TRPV1: variants seen among roughly 807,000 people sequenced by gnomAD.
TRPV1 encodes transient receptor potential cation channel subfamily V member 1.
TRPV1 carries 82 observed loss-of-function variants against 82.3 expected under a neutral mutation model. The ratio of observed to expected loss-of-function variants is 1.00; its 90% CI spans 0.83 to 1.20. The LOEUF (loss-of-function observed/expected upper bound fraction) is 1.20, where lower values mean the gene tolerates loss of function less well. Among genes scored for constraint, TRPV1 ranks in the 50% most tolerant of loss-of-function variants. The pLI is 0.00. For synonymous variants in TRPV1, 515 were observed against 467.7 expected (o/e 1.10, Z -1.30); for missense variants, 1,067 against 1,096.8 (o/e 0.97, Z 0.38).
chr17:3,573,532 G>GGCCCCCCCCCCCCCCC lies in TRPV1; in HGVS notation c.2103+100_2103+101insGGGGGGGGGGGGGGGC. The GGCCCCCCCCCCCCCCC allele has an allele frequency of 3.1e-5, 8 of 257,076 alleles. 1 individual carries two copies. The highest frequency in any genetic ancestry group is 4.6e-5 in the Non-Finnish European group (6 of 130,288). 15.9% of individuals were successfully genotyped at this position (257,076 alleles called of 1,614,324 possible). On this transcript the variant is annotated intron_variant, in intron 14 of 16. Coordinates refer to ENST00000572705, the MANE Select transcript of TRPV1 (RefSeq NM_080704.4). ...GCCCATACCCTCCTGGCCACACACC[G>GGCCCCCCCCCCCCCCC]CCCCCACCACCCACCCACCTGCAGC... is the stretch of plus-strand genomic sequence containing the variant.
intron 10 of TRPV1, among the ~76,000 whole-genome samples, chr17:3,583,118 T>C (rs1219072869): frequency 1.3e-5 from 2 of 152,142 alleles, no homozygotes; most frequent in Non-Finnish European, 2.9e-5. Flanking sequence ...AGTGTCTACT[T>C]TCAAGCTTGC....
At chr17:3,590,571 G>T (rs1480689738) in intron 5 of TRPV1, among the ~76,000 whole-genome samples, 179 bp from the exon 6 acceptor site, 1 of 152,174 alleles carries the variant, frequency 6.6e-6, no homozygotes, top group East Asian at 1.9e-4. Flanking sequence ...GTCCCAGCAA[G>T]GTCCTGAGAC....
intron 2 of TRPV1, among the ~76,000 whole-genome samples, chr17:3,598,651 T>C (rs1326831823): frequency 1.3e-5 from 2 of 149,334 alleles, no homozygotes. Flanking sequence ...CTGCAACCTC[T>C]GCCTCCCAGG....
At chr17:3,579,179 T>C (rs2074973547) in intron 11 of TRPV1, among the ~76,000 whole-genome samples, 1 of 152,128 alleles carries the variant, frequency 6.6e-6, no homozygotes, top group East Asian at 1.9e-4. Flanking sequence ...ATCTAAATTC[T>C]TTTAAAAAAA....
intron 9 of TRPV1, among the ~76,000 whole-genome samples, chr17:3,583,685 G>A (rs1401070663): frequency 1.3e-5 from 2 of 152,238 alleles, no homozygotes; most frequent in African/African-American, 4.8e-5. Flanking sequence ...CAATGTCCCG[G>A]CAGGCCCAGA....
In TRPV1 at chr17:3,566,240, C is replaced by CA. The variant is rs2074761356; in HGVS notation, c.*574dup. ...GTGTGGAGGCTCACACCTGTAATCCCAGCACTTTGGGAGGCCGAGGTGGGC... is the reference window on the plus strand; with the variant it reads ...GTGTGGAGGCTCACACCTGTAATCCCAAGCACTTTGGGAGGCCGAGGTGGGC... On this transcript the variant is annotated 3_prime_UTR_variant, in exon 17 of 17. Transcript: ENST00000572705. 6.6e-6 allele frequency: 1 copy of CA among 151,364 alleles called. No homozygotes were observed. Among genetic ancestry groups the CA allele is most frequent in the Admixed American group, 6.6e-5 (1 of 15,172 alleles). The allele number at this position is 151,364 out of a possible 1,614,324, so 9.4% of individuals were successfully genotyped here.
intron 13 of TRPV1, among the ~76,000 whole-genome samples, 152 bp from the exon 14 acceptor site, chr17:3,574,107 A>T (rs1359263519): frequency 6.6e-6 from 1 of 152,190 alleles, no homozygotes; most frequent in East Asian, 1.9e-4. Flanking sequence ...AAAAATTTTC[A>T]TAGTATATTT....
chr17:3,579,246 T>C (rs766346452), intron 11 of TRPV1, among the ~76,000 whole-genome samples: 5 of 152,070 alleles, frequency 3.3e-5, no homozygotes, highest in Admixed American at 6.6e-5. Context: ...TAGTTTTACT[T>C]GTCCAAAAAA....
intron 14 of TRPV1, among the ~76,000 whole-genome samples, chr17:3,572,902 G>A (rs1175593484): frequency 6.8e-6 from 1 of 148,026 alleles, no homozygotes; most frequent in Admixed American, 6.8e-5. Flanking sequence ...AGAACCGCTT[G>A]AAGTCGGGAG....
In TRPV1 at chr17:3,585,898, G is replaced by A. The variant is rs1435343125; in HGVS notation, c.1253C>T (p.Pro418Leu). Residue 418 changes from proline to leucine, a missense_variant, in exon 9 of 17, where the codon CCG (proline) becomes CTG (leucine). By Grantham distance (98) the Pro-to-Leu change is moderately conservative. Coordinates refer to ENST00000572705, the MANE Select transcript of TRPV1 (RefSeq NM_080704.4). The stretch of plus-strand genomic sequence containing the variant: ...CTTGTCCTGCAGGAGTCGGTTCAGC[G>A]GCTCCACCAAGAGCATGTCGTGGCG... Reference protein sequence around the residue: ...PNRHDMLLVEPLNRLLQDKWD... With the variant: ...PNRHDMLLVELLNRLLQDKWD... The A allele has an allele frequency of 2.5e-6, 4 of 1,613,946 alleles. No homozygotes were observed. The highest frequency in any genetic ancestry group is 1.3e-5 in the African/African-American group (1 of 75,038).
In TRPV1 at chr17:3,566,748, C is replaced by T. The variant is rs200290015; in HGVS notation, c.*67G>A. On this transcript the variant is annotated 3_prime_UTR_variant, in exon 17 of 17. Transcript: ENST00000572705. Reference sequence around the variant, plus strand: ...TGCTGACAGAGCACTGGTGTTCCCTCAGCAGCCCCCCGTGGCAACGGGGTC... The same window carrying T: ...TGCTGACAGAGCACTGGTGTTCCCTTAGCAGCCCCCCGTGGCAACGGGGTC... 3.1e-5 allele frequency: 48 copies of T among 1,563,100 alleles called. No individual in the cohort carries two copies. Among genetic ancestry groups the T allele is most frequent in the Admixed American group, 1.1e-4 (6 of 56,358 alleles).
intron 13 of TRPV1, among the ~76,000 whole-genome samples, chr17:3,575,954 C>T (rs1330569338): frequency 6.6e-6 from 1 of 151,986 alleles, no homozygotes; most frequent in Non-Finnish European, 1.5e-5. Context: ...AGGTCAGGCG[C>T]GGTGGCTCAC....
chr17:3,592,090 T>G lies in TRPV1; in HGVS notation c.261A>C (p.Pro87=). 1 of 1,613,408 alleles carries G rather than the reference T, an allele frequency of 6.2e-7. No individual in the cohort carries two copies. Among genetic ancestry groups the G allele is most frequent in the South Asian group, 1.1e-5 (1 of 91,058 alleles). Residue 87 remains proline, a synonymous_variant, in exon 3 of 17, where the codon CCA becomes CCC. Transcript: ENST00000572705. ...ACCTGGCACCGGTGGGGCCGTCTCCTGGCCTCTGGATGGTGATAACAGGGC... is the reference window on the plus strand; with the variant it reads ...ACCTGGCACCGGTGGGGCCGTCTCCGGGCCTCTGGATGGTGATAACAGGGC... The part of the protein sequence containing the change: ...TVSPVITIQR[P]GDGPTGARLL...
chr17:3,598,227 G>T (rs997506335), intron 2 of TRPV1, among the ~76,000 whole-genome samples: 6 of 152,226 alleles, frequency 3.9e-5, no homozygotes, highest in Admixed American at 2.6e-4. Context: ...GTCCAGCCTG[G>T]AATAAGCAGC....
In TRPV1 at chr17:3,583,447, A is replaced by T; in HGVS notation, c.1384-17T>A. ...AAAGGGAGGCTGTGAGATGCAGAGA[A>T]GTTGGTAACTCCATTTACTCATTCG... On this transcript the variant is annotated splice_polypyrimidine_tract_variant and intron_variant, in intron 9 of 16. Coordinates refer to ENST00000572705, the MANE Select transcript of TRPV1 (RefSeq NM_080704.4). 1 of 1,569,634 alleles carries T rather than the reference A, an allele frequency of 6.4e-7. No individual in the cohort carries two copies. Among genetic ancestry groups the T allele is most frequent in the Non-Finnish European group, 8.7e-7 (1 of 1,150,562 alleles).
At chr17:3,587,821 AAAAG>A (rs2075103032) in intron 8 of TRPV1, among the ~76,000 whole-genome samples, 1 of 150,972 alleles carries the variant, frequency 6.6e-6, no homozygotes, top group South Asian at 2.1e-4. Context: ...CTCAAAAAAA[AAAAG>A]AAAAATCTAC....
At chr17:3,583,900 T>C (rs985549096) in intron 9 of TRPV1, among the ~76,000 whole-genome samples, 1 of 152,164 alleles carries the variant, frequency 6.6e-6, no homozygotes, top group African/African-American at 2.4e-5. Context: ...CAGTGGCCAT[T>C]TCCTGGAGTG....
chr17:3,599,711 C>T (rs1048362572), intron 2 of TRPV1, among the ~76,000 whole-genome samples: 1 of 151,870 alleles, frequency 6.6e-6, no homozygotes, highest in African/African-American at 2.4e-5. Context: ...TCACTGCAAC[C>T]TCCACCTCCC....
At chr17:3,573,551 C>CCCCCCCCCCCCCCCCCCTT in intron 14 of TRPV1, 82 bp downstream of exon 14, 1 of 635,234 alleles carries the variant, frequency 1.6e-6, no homozygotes, top group Non-Finnish European at 2.1e-6. Context: ...ACCCACCCAC[C>CCCCCCCCCCCCCCCCCCTT]TGCAGCCAGC....
Sources: gnomAD v4.1 joint callset for allele counts (sites outside exome capture counted in the v4.1 genomes callset) on GRCh38, gnomAD v4.1.1 for gene constraint, MANE v1.5 for transcripts, NCBI Gene and HGNC (gene_info 2026-07-23, HGNC 2026-07-21) for gene names.